The following SCFD1 variants were observed in gnomAD, a reference collection of about 807,000 sequenced individuals.
SCFD1 encodes the protein sec1 family domain containing 1.
Under a neutral mutation model 103.2 loss-of-function variants are expected in SCFD1, and 37 were observed. The observed-to-expected ratio is 0.36, with a 90% CI of 0.28 to 0.47. The LOEUF (loss-of-function observed/expected upper bound fraction) is 0.47, where lower values mean the gene tolerates loss of function less well. Among genes scored for constraint, SCFD1 ranks in the 20% least tolerant of loss-of-function variants. The pLI, the probability that SCFD1 is intolerant of heterozygous loss-of-function variation, is 1.00. For missense variants in SCFD1, 639 were observed against 761.2 expected (o/e 0.84, Z 1.89); for synonymous variants, 264 against 245.0 (o/e 1.08, Z -0.73).
chr14:30,714,431 ATAT>A (rs1481820639), intron 19 of SCFD1, among the ~76,000 whole-genome samples: 2 of 151,784 alleles, frequency 1.3e-5, no homozygotes, highest in Non-Finnish European at 2.9e-5. Flanking sequence ...ATTCAGAAGT[ATAT>A]TCAGACAGCT....
intron 3 of SCFD1, among the ~76,000 whole-genome samples, chr14:30,632,168 G>A (rs893972254): frequency 2.0e-5 from 3 of 149,690 alleles, no homozygotes; most frequent in African/African-American, 7.4e-5. Flanking sequence ...TTTGCATTTT[G>A]TTCTATTTAT....
Position 30,656,046 on chromosome 14 carries a change from T to C in SCFD1, c.855+2458T>C, listed in dbSNP as rs577988913. ...GGATCAGTTGATCCCCAACAGGTTGTGGCTACTACAGTGAACTGTGATCAC... is the reference window on the plus strand; with the variant it reads ...GGATCAGTTGATCCCCAACAGGTTGCGGCTACTACAGTGAACTGTGATCAC... On this transcript the variant is annotated intron_variant, in intron 10 of 24. Transcript: ENST00000458591. Among the ~76,000 whole-genome samples, 55 of 151,766 alleles carry C rather than the reference T, an allele frequency of 3.6e-4. No homozygotes were observed. In the South Asian group the frequency reaches 0.011, roughly 29 times the overall value.
intron 14 of SCFD1, among the ~76,000 whole-genome samples, chr14:30,680,371 A>ACC (rs1317747442): frequency 6.6e-5 from 10 of 152,120 alleles, no homozygotes; most frequent in African/African-American, 1.9e-4. Flanking sequence ...GGGAGAATGA[A>ACC]CTTTTTTTTT....
intron 15 of SCFD1, among the ~76,000 whole-genome samples, chr14:30,696,196 T>G (rs1235190328): frequency 6.6e-6 from 1 of 152,226 alleles, no homozygotes; most frequent in East Asian, 1.9e-4. Context: ...CCAAACTGTT[T>G]TATAATTAAA....
intron 17 of SCFD1, among the ~76,000 whole-genome samples, chr14:30,703,796 A>C (rs1891238573): frequency 6.7e-6 from 1 of 149,678 alleles, no homozygotes; most frequent in Non-Finnish European, 1.5e-5. Context: ...TTAAAAGGAA[A>C]ACTGAAAACT....
At chr14:30,695,797 A>C (rs910469647) in intron 15 of SCFD1, among the ~76,000 whole-genome samples, 1 of 151,978 alleles carries the variant, frequency 6.6e-6, no homozygotes, top group African/African-American at 2.4e-5. Context: ...CGTTGAGCCT[A>C]GGAGTACGAT....
intron 23 of SCFD1, chr14:30,734,493 CTG>C (rs1416252731): frequency 8.6e-6 from 3 of 346,872 alleles, no homozygotes; most frequent in African/African-American, 2.1e-5. Context: ...TTATAGGTAA[CTG>C]TTGCTCCTGT....
intron 23 of SCFD1, among the ~76,000 whole-genome samples, chr14:30,726,285 C>G: frequency 6.6e-6 from 1 of 152,192 alleles, no homozygotes; most frequent in Middle Eastern, 3.2e-3. Flanking sequence ...CTTTCTACCA[C>G]AGAAAGTTGA....
chr14:30,672,014 TA>T (rs567181542), intron 11 of SCFD1, among the ~76,000 whole-genome samples: 260 of 136,018 alleles, frequency 1.9e-3, no homozygotes, highest in Non-Finnish European at 2.2e-3. Context: ...AACTCCATCT[TA>T]AAAAAAAAAA....
intron 17 of SCFD1, 51 bp downstream of exon 17, chr14:30,702,426 A>T: frequency 8.7e-7 from 1 of 1,146,606 alleles, no homozygotes; most frequent in Admixed American, 2.3e-5. Context: ...AGTACAATTG[A>T]GGCTTCATTC....
intron 4 of SCFD1, among the ~76,000 whole-genome samples, chr14:30,635,922 A>C (rs980170387): frequency 3.3e-5 from 5 of 152,130 alleles, no homozygotes; most frequent in Non-Finnish European, 7.4e-5. Flanking sequence ...AACACTTACT[A>C]TCCGATATTT....
Position 30,673,291 on chromosome 14 carries a change from G to T in SCFD1, c.1030G>T (p.Glu344Ter). ...AGAAGTTGCAGAATCAGTTCAGCAAGAACTAGAATCTTACAGAGCACAGGA... is the reference window on the plus strand; with the variant it reads ...AGAAGTTGCAGAATCAGTTCAGCAATAACTAGAATCTTACAGAGCACAGGA... ...FPEVAESVQQ[E>*]LESYRAQEDE... The change falls in exon 12 of 25, where the codon GAA (glutamate) becomes TAA (stop). Residue 344 changes from glutamate to a stop codon, truncating the protein, a stop_gained. Coordinates refer to ENST00000458591, the MANE Select transcript of SCFD1 (RefSeq NM_016106.4). LOFTEE classifies it high-confidence loss of function. 1 of 1,599,658 alleles carries T rather than the reference G, an allele frequency of 6.3e-7. No homozygotes were observed. Among genetic ancestry groups the T allele is most frequent in the South Asian group, 1.1e-5 (1 of 89,160 alleles).
chr14:30,717,963 CTAG>C (rs1247272870), intron 20 of SCFD1, among the ~76,000 whole-genome samples: 2 of 151,370 alleles, frequency 1.3e-5, no homozygotes, highest in African/African-American at 4.9e-5. Context: ...GAGAAAAGTA[CTAG>C]TATTATTATT....
At chr14:30,705,736 A>T (rs1891422287) in intron 17 of SCFD1, 87 bp from the exon 18 acceptor site, 2 of 951,670 alleles carry the variant, frequency 2.1e-6, no homozygotes, top group Non-Finnish European at 3.3e-6. Context: ...CATAGAAGTT[A>T]GAGTTAGTCA....
In SCFD1 at chr14:30,735,735, G is replaced by GTTAA. The variant is rs1317360656; in HGVS notation, c.*129_*132dup. 9 of 650,306 alleles carry GTTAA rather than the reference G, an allele frequency of 1.4e-5. No individual in the cohort carries two copies. The highest frequency in any genetic ancestry group is 3.0e-5 in the East Asian group (1 of 33,784). The allele number at this position is 650,306 out of a possible 1,614,324, so 40.3% of individuals were successfully genotyped here. On this transcript the variant is annotated 3_prime_UTR_variant, in exon 25 of 25. Coordinates refer to ENST00000458591, the MANE Select transcript of SCFD1 (RefSeq NM_016106.4). ...CTAACAGTGAAAATCAGAGTTATTTGTTAATTTTTAAGGAAATTATATACT... is the reference window on the plus strand; with the variant it reads ...CTAACAGTGAAAATCAGAGTTATTTGTTAATTAATTTTTAAGGAAATTATATACT...
chr14:30,717,985 A>C (rs116446908), intron 20 of SCFD1, among the ~76,000 whole-genome samples: 1,595 of 152,148 alleles, frequency 0.01, 21 homozygotes, highest in African/African-American at 0.036. Context: ...TTTTCATTTT[A>C]TAGGTGAGGA....
At chr14:30,724,775 A>G (rs1261014890) in intron 23 of SCFD1, among the ~76,000 whole-genome samples, 1 of 152,114 alleles carries the variant, frequency 6.6e-6, no homozygotes, top group Non-Finnish European at 1.5e-5. Context: ...CTATGTCCAG[A>G]ATGATATTGC....
chr14:30,622,474 T>C, intron 1 of SCFD1, 75 bp downstream of exon 1: 2 of 1,518,482 alleles, frequency 1.3e-6, no homozygotes, highest in Non-Finnish European at 1.8e-6. Context: ...TGCGTGCAGC[T>C]CAGAGACCGA....
chr14:30,645,849 C>A (rs1418786197), intron 7 of SCFD1, among the ~76,000 whole-genome samples: 5 of 152,158 alleles, frequency 3.3e-5, no homozygotes, highest in East Asian at 1.9e-4. Flanking sequence ...TTGGCTACGA[C>A]TTCCAGTACT....
Sources: gnomAD v4.1 joint callset for allele counts (sites outside exome capture counted in the v4.1 genomes callset) on GRCh38, gnomAD v4.1.1 for gene constraint, MANE v1.5 for transcripts, NCBI Gene and HGNC (gene_info 2026-07-23, HGNC 2026-07-21) for gene names.